PAX3: variants seen among roughly 807,000 people sequenced by gnomAD.
PAX3 encodes the protein paired box protein Pax-3.
PAX3 carries 14 observed loss-of-function variants against 51.6 expected under a neutral mutation model. The ratio of observed to expected loss-of-function variants is 0.27; its 90% CI spans 0.18 to 0.42. PAX3 has a LOEUF of 0.42. Among genes scored for constraint, PAX3 ranks in the 10% least tolerant of loss-of-function variants. The pLI, the probability that PAX3 is intolerant of heterozygous loss-of-function variation, is 1.00. For missense variants in PAX3, 540 were observed against 642.8 expected (o/e 0.84, Z 1.73); for synonymous variants, 280 against 253.4 (o/e 1.11, Z -1.00).
intron 4 of PAX3, among the ~76,000 whole-genome samples, chr2:222,278,445 T>C (rs138147143): frequency 9.5e-4 from 145 of 152,272 alleles, no homozygotes; most frequent in African/African-American, 3.3e-3. Context: ...TTGGGGAAGG[T>C]TGTGAGTTCT....
At chr2:222,294,977 A>G (rs1461333015) in intron 3 of PAX3, among the ~76,000 whole-genome samples, 1 of 152,040 alleles carries the variant, frequency 6.6e-6, no homozygotes, top group African/African-American at 2.4e-5. Context: ...GGAAAAAGGG[A>G]GTTTCCTTTT....
chr2:222,206,519 C>T (rs563469338), intron 7 of PAX3, among the ~76,000 whole-genome samples: 13 of 152,194 alleles, frequency 8.5e-5, no homozygotes, highest in South Asian at 4.1e-4. Flanking sequence ...TTTATGTCCA[C>T]GTTTCTCCTA....
Position 222,265,646 on chromosome 2 carries a change from AGAAGGAAGGAAG to A in PAX3, c.586+28509_586+28520del, listed in dbSNP as rs71053065. Among the ~76,000 whole-genome samples the A allele has an allele frequency of 2.3e-4, 25 of 109,244 alleles. 1 individual carries two copies. The South Asian group carries it at 3.7e-3, about 16-fold the overall frequency. 71.7% of individuals were successfully genotyped at this position (109,244 alleles called of 152,430 possible). Reference sequence around the variant, plus strand: ...ACAGAGTGAGACTCCATCAAAAAAAAGAAGGAAGGAAGGAAGGAAGGAAGGAAGGAAGGAAGG... The same window carrying A: ...ACAGAGTGAGACTCCATCAAAAAAAAGAAGGAAGGAAGGAAGGAAGGAAGG... On this transcript the variant is annotated intron_variant, in intron 4 of 8. Transcript: ENST00000392070.
Position 222,237,939 on chromosome 2 carries a change from T to C in PAX3, c.587-5656A>G, listed in dbSNP as rs988097930. ...TCAGGTTATTCAGCAGAAACTCCAG[T>C]GTGATCACTGAAAGCATCACCTCTC... On this transcript the variant is annotated intron_variant, in intron 4 of 8. Coordinates refer to ENST00000392070, the MANE Select transcript of PAX3 (RefSeq NM_181458.4). Among the ~76,000 whole-genome samples, 8 of 152,360 alleles carry C rather than the reference T, an allele frequency of 5.3e-5. No individual in the cohort carries two copies. The South Asian group carries it at 1.2e-3, about 24-fold the overall frequency.
chr2:222,243,577 C>T (rs544128443), intron 4 of PAX3, among the ~76,000 whole-genome samples: 103 of 152,212 alleles, frequency 6.8e-4, no homozygotes, highest in African/African-American at 2.2e-3. Context: ...TTAAATAGCC[C>T]ATCAAAGCTG....
intron 4 of PAX3, among the ~76,000 whole-genome samples, chr2:222,278,118 T>G (rs1694495771): frequency 6.6e-6 from 1 of 152,094 alleles, no homozygotes. Flanking sequence ...CACTGGCAAT[T>G]TCTGAATCCC....
intron 5 of PAX3, chr2:222,221,612 A>T: frequency 2.0e-6 from 1 of 508,050 alleles, no homozygotes; most frequent in Non-Finnish European, 3.6e-6. Context: ...ATCTTGCAAC[A>T]ACAGCCCCCA....
rs571908721 is a variant in PAX3 at position 222,243,983 on chromosome 2, G to A, written c.587-11700C>T. 3.5e-3 allele frequency among the ~76,000 whole-genome samples: 531 copies of A among 152,254 alleles called. 2 individuals carry two copies. Among genetic ancestry groups the A allele is most frequent in the African/African-American group, 0.012 (519 of 41,546 alleles). ...CTGTGCAAGAAGTACTTCCCTAGAG[G>A]CCGTGAAGAGGGGATAATGAATGAG... On this transcript the variant is annotated intron_variant, in intron 4 of 8. Coordinates refer to ENST00000392070, the MANE Select transcript of PAX3 (RefSeq NM_181458.4).
intron 1 of PAX3, chr2:222,298,225 T>C: frequency 4.6e-6 from 2 of 438,200 alleles, no homozygotes; most frequent in South Asian, 7.3e-5. Flanking sequence ...AAGTTGCTTC[T>C]GCCGCTCAGA....
At chr2:222,247,567 T>C (rs1356461280) in intron 4 of PAX3, among the ~76,000 whole-genome samples, 2 of 152,300 alleles carry the variant, frequency 1.3e-5, no homozygotes, top group African/African-American at 2.4e-5. Flanking sequence ...CATCATCAAC[T>C]GGCTTGGTGG....
chr2:222,257,257 C>T (rs955146135), intron 4 of PAX3, among the ~76,000 whole-genome samples: 9 of 151,470 alleles, frequency 5.9e-5, no homozygotes, highest in African/African-American at 9.7e-5. Flanking sequence ...CACTCACTTA[C>T]TATTGAAATT....
At chr2:222,277,826 C>T (rs564290973) in intron 4 of PAX3, among the ~76,000 whole-genome samples, 149 of 150,198 alleles carry the variant, frequency 9.9e-4, no homozygotes, top group African/African-American at 3.6e-3. Flanking sequence ...CCCAGCTACT[C>T]GGGAGGCTGA....
chr2:222,269,632 G>A lies in PAX3; in HGVS notation c.586+24535C>T, dbSNP rs866989630. ...AATAATAAGGCTAAATTCTCAAGCT[G>A]CACATTTCTCTCCCACCTTTCCATA... On this transcript the variant is annotated intron_variant, in intron 4 of 8. Transcript: ENST00000392070. 5.4e-5 allele frequency among the ~76,000 whole-genome samples: 8 copies of A among 148,332 alleles called. 1 individual carries two copies. In the Middle Eastern group the frequency reaches 0.014, roughly 254 times the overall value.
Position 222,280,426 on chromosome 2 carries a change from AAAGG to A in PAX3, c.586+13737_586+13740del, listed in dbSNP as rs796204700. On this transcript the variant is annotated intron_variant, in intron 4 of 8. Transcript: ENST00000392070. The stretch of plus-strand genomic sequence containing the variant: ...AGAAAGAAAGAAAAAAGAAAGAAAG[AAAGG>A]AAGGAAGGAAGGAAGAAAGAAAGAG... Among the ~76,000 whole-genome samples the A allele has an allele frequency of 2.2e-3, 327 of 151,544 alleles. 1 individual carries two copies. Among genetic ancestry groups the A allele is most frequent in the African/African-American group, 5.8e-3 (241 of 41,288 alleles).
chr2:222,232,337 T>C (rs1449993581), intron 4 of PAX3, 54 bp from the exon 5 acceptor site: 2 of 1,497,702 alleles, frequency 1.3e-6, no homozygotes, highest in Non-Finnish European at 1.9e-6. Flanking sequence ...AAAATAAAAC[T>C]GAGATTGAAT....
chr2:222,234,396 T>C (rs1036210485), intron 4 of PAX3, among the ~76,000 whole-genome samples: 1 of 152,188 alleles, frequency 6.6e-6, no homozygotes, highest in African/African-American at 2.4e-5. Context: ...ACAATTAACA[T>C]GCTAAAAAAT....
At chr2:222,295,464 T>A in intron 3 of PAX3, 64 bp downstream of exon 3, 1 of 1,583,228 alleles carries the variant, frequency 6.3e-7, no homozygotes, top group Non-Finnish European at 8.7e-7. Flanking sequence ...TACGTCTGGG[T>A]CGACGTGCCG....
At chr2:222,292,512 C>T (rs371725558) in intron 4 of PAX3, among the ~76,000 whole-genome samples, 6 of 152,240 alleles carry the variant, frequency 3.9e-5, no homozygotes, top group Admixed American at 2.6e-4. Flanking sequence ...GGGCCTCAGT[C>T]GCCTGTACTG....
chr2:222,238,130 G>A (rs1032343138), intron 4 of PAX3, among the ~76,000 whole-genome samples: 6 of 152,104 alleles, frequency 3.9e-5, no homozygotes, highest in Non-Finnish European at 7.4e-5. Flanking sequence ...TCAAGCACAG[G>A]GCAACTGTCA....
Sources: gnomAD v4.1 joint callset for allele counts (sites outside exome capture counted in the v4.1 genomes callset) on GRCh38, gnomAD v4.1.1 for gene constraint, MANE v1.5 for transcripts, NCBI Gene and HGNC (gene_info 2026-07-23, HGNC 2026-07-21) for gene names.